PHACTR4: variants seen among roughly 807,000 people sequenced by gnomAD.
PHACTR4 encodes protein phosphatase 1, regulatory subunit 124.
A neutral mutation model predicts 72.7 loss-of-function variants in PHACTR4; 51 were observed. The ratio of observed to expected loss-of-function variants is 0.70; its 90% CI spans 0.56 to 0.89. PHACTR4 has a LOEUF of 0.89. Ranked by LOEUF, PHACTR4 falls within the 40% of genes least tolerant of loss-of-function variation. The probability of loss-of-function intolerance (pLI) is 0.00; values close to 1 mark genes in which losing one functional copy is unlikely to be tolerated. For missense variants in PHACTR4, 731 were observed against 861.8 expected, an observed-to-expected ratio of 0.85 and a Z score of 1.90; for synonymous variants, 255 against 302.5, an observed-to-expected ratio of 0.84 and a Z score of 1.63.
intron 1 of PHACTR4, among the ~76,000 whole-genome samples, chr1:28,375,128 A>G (rs1651545269): frequency 6.6e-6 from 1 of 152,104 alleles, no homozygotes; most frequent in South Asian, 2.1e-4. Flanking sequence ...GCGAAACCCC[A>G]TCTCTACTAA....
At chr1:28,457,703 T>C (rs957307529) in intron 2 of PHACTR4, 6 of 379,666 alleles carry the variant, frequency 1.6e-5, no homozygotes, top group Admixed American at 6.4e-5. Context: ...TTGCTTCAGA[T>C]GTGAAATTGT....
At chr1:28,448,648 G>A (rs1235271127) in intron 2 of PHACTR4, among the ~76,000 whole-genome samples, 1 of 143,942 alleles carries the variant, frequency 6.9e-6, no homozygotes, top group East Asian at 2.0e-4. Flanking sequence ...TGTAGTCCCA[G>A]CTACTTGGGA....
chr1:28,494,871 C>T (rs1661251844), intron 13 of PHACTR4, among the ~76,000 whole-genome samples: 1 of 152,112 alleles, frequency 6.6e-6, no homozygotes, highest in Non-Finnish European at 1.5e-5. Context: ...CTGTGTATTT[C>T]AGAACAAGCT....
At chr1:28,438,452 A>T (rs1569949911) in intron 2 of PHACTR4, 1 of 1,611,772 alleles carries the variant, frequency 6.2e-7, no homozygotes, top group African/African-American at 1.3e-5. Flanking sequence ...AAGGCAGAGA[A>T]ACAGAAAATC....
chr1:28,391,333 A>G (rs954458412), intron 1 of PHACTR4, among the ~76,000 whole-genome samples: 1 of 150,400 alleles, frequency 6.6e-6, no homozygotes, highest in African/African-American at 2.5e-5. Flanking sequence ...CGGAAGGCAG[A>G]GGTTGCAGTG....
At chr1:28,401,456 G>C (rs980645183) in intron 1 of PHACTR4, among the ~76,000 whole-genome samples, 3 of 151,778 alleles carry the variant, frequency 2.0e-5, no homozygotes, top group African/African-American at 7.3e-5. Flanking sequence ...ACAGGCGCCC[G>C]CCACCATGCC....
intron 6 of PHACTR4, among the ~76,000 whole-genome samples, chr1:28,467,528 C>T (rs963449252): frequency 3.9e-5 from 6 of 152,002 alleles, no homozygotes; most frequent in African/African-American, 7.2e-5. Flanking sequence ...GCAAGGCAAA[C>T]TTTTCAAATG....
intron 1 of PHACTR4, among the ~76,000 whole-genome samples, chr1:28,396,845 CTTTTTTTTTT>C (rs60578939): frequency 8.4e-6 from 1 of 119,666 alleles, no homozygotes; most frequent in African/African-American, 3.3e-5. Flanking sequence ...TTCTTTCTTT[CTTTTTTTTTT>C]TTTTTTTTTG....
rs1432296465 is a variant in PHACTR4 at position 28,476,131 on chromosome 1, G to T, written c.1446G>T (p.Glu482Asp). The T allele has an allele frequency of 6.2e-7, 1 of 1,609,458 alleles. No homozygotes were observed. The stretch of plus-strand genomic sequence containing the variant: ...GTCCAGACGATGAAGAAGAAGAGGA[G>T]CAAACCTGTCCATCCACATTCAGTG... ...LKVPDDEEEEEQTCPSTFSEE... is the reference protein window; with the variant it reads ...LKVPDDEEEEDQTCPSTFSEE... Residue 482 changes from glutamate (E) to aspartate (D), a missense_variant, in exon 8 of 14, where the codon GAG (glutamate) becomes GAT (aspartate). Transcript: ENST00000373839.
intron 2 of PHACTR4, among the ~76,000 whole-genome samples, chr1:28,437,115 A>G (rs1212031350): frequency 6.6e-6 from 1 of 152,218 alleles, no homozygotes; most frequent in East Asian, 1.9e-4. Context: ...GCCCACCTAC[A>G]GGTAGGAAAT....
At chr1:28,423,429 A>AAATAAATAAATAAATAAATT (rs1446823232) in intron 2 of PHACTR4, among the ~76,000 whole-genome samples, 9 of 126,284 alleles carry the variant, frequency 7.1e-5, no homozygotes, top group African/African-American at 4.0e-4. Flanking sequence ...ATAAATAAAT[A>AAATAAATAAATAAATAAATT]AATAAATAAA....
intron 6 of PHACTR4, 114 bp downstream of exon 6, chr1:28,466,882 T>C: frequency 7.1e-7 from 1 of 1,414,598 alleles, no homozygotes; most frequent in Non-Finnish European, 9.6e-7. Flanking sequence ...CCATATCTTG[T>C]CCCTTTGAAT....
chr1:28,421,557 GT>G (rs1429732861), intron 2 of PHACTR4, among the ~76,000 whole-genome samples: 6 of 151,850 alleles, frequency 4.0e-5, no homozygotes, highest in Admixed American at 6.6e-5. Flanking sequence ...TCTTATTTAG[GT>G]TTCCTTTAAT....
chr1:28,417,420 A>C (rs533967283), intron 2 of PHACTR4, among the ~76,000 whole-genome samples: 1 of 152,360 alleles, frequency 6.6e-6, no homozygotes, highest in African/African-American at 2.4e-5. Context: ...AAAATAGAAC[A>C]AATAAGTAAA....
At chr1:28,380,120 G>A (rs1367348939) in intron 1 of PHACTR4, among the ~76,000 whole-genome samples, 10 of 135,142 alleles carry the variant, frequency 7.4e-5, no homozygotes, top group Non-Finnish European at 1.3e-4. Context: ...GCAGTGGCGC[G>A]ATCTCGGCTC....
intron 6 of PHACTR4, among the ~76,000 whole-genome samples, chr1:28,469,435 C>T (rs1345381727): frequency 6.6e-6 from 1 of 152,176 alleles, no homozygotes; most frequent in Non-Finnish European, 1.5e-5. Flanking sequence ...AATTATTACC[C>T]ATCCCAGAAA....
intron 2 of PHACTR4, chr1:28,457,841 G>A: frequency 2.0e-6 from 2 of 984,294 alleles, no homozygotes; most frequent in Non-Finnish European, 2.4e-6. Flanking sequence ...GACTTCTCCA[G>A]AGAACCTTGG....
chr1:28,463,680 T>G (rs1288876440), intron 4 of PHACTR4, among the ~76,000 whole-genome samples: 4 of 152,162 alleles, frequency 2.6e-5, no homozygotes, highest in Non-Finnish European at 4.4e-5. Flanking sequence ...TAGAAGTACC[T>G]TTTCACTTGC....
intron 1 of PHACTR4, among the ~76,000 whole-genome samples, chr1:28,383,729 T>A (rs908039007): frequency 1.3e-5 from 2 of 152,192 alleles, no homozygotes; most frequent in African/African-American, 4.8e-5. Flanking sequence ...TGAAGTTGTT[T>A]ATCAGCTTAA....
Sources: gnomAD v4.1 joint callset for allele counts (sites outside exome capture counted in the v4.1 genomes callset) on GRCh38, gnomAD v4.1.1 for gene constraint, MANE v1.5 for transcripts, NCBI Gene and HGNC (gene_info 2026-07-23, HGNC 2026-07-21) for gene names.